Variants in NCKAP5 observed in about 807,000 individuals in gnomAD.
The protein encoded by NCKAP5 is NCK associated protein 5.
In NCKAP5, 92 loss-of-function variants were observed where a neutral mutation model predicts 167.0. The observed-to-expected ratio is 0.55, with a 90% confidence interval of 0.47 to 0.66. The LOEUF (loss-of-function observed/expected upper bound fraction) is 0.66, where lower values mean the gene tolerates loss of function less well. Among genes scored for constraint, NCKAP5 ranks in the 30% least tolerant of loss-of-function variants. The pLI, the probability that NCKAP5 is intolerant of heterozygous loss-of-function variation, is 0.00. For synonymous variants in NCKAP5, 891 were observed against 877.4 expected, an observed-to-expected ratio of 1.02 and a Z score of -0.27; for missense variants, 2,378 against 2,315.0, an observed-to-expected ratio of 1.03 and a Z score of -0.56.
chr2:132,980,038 G>A (rs901840887), intron 7 of NCKAP5, among the ~76,000 whole-genome samples: 1 of 142,142 alleles, frequency 7.0e-6, no homozygotes, highest in Non-Finnish European at 1.5e-5. Flanking sequence ...CGCCCAGACT[G>A]TAGTACAGTG....
At chr2:132,795,830 AAAAAAAAAC>A (rs1203581563) in intron 12 of NCKAP5, among the ~76,000 whole-genome samples, 2 of 150,064 alleles carry the variant, frequency 1.3e-5, no homozygotes, top group African/African-American at 2.4e-5. Flanking sequence ...GAAAAAAAAA[AAAAAAAAAC>A]AAAAAAAACA....
chr2:133,486,391 A>G (rs1257579694), intron 3 of NCKAP5, among the ~76,000 whole-genome samples: 1 of 152,238 alleles, frequency 6.6e-6, no homozygotes, highest in Non-Finnish European at 1.5e-5. Context: ...CAGTGGCTGC[A>G]TCGTCATTTT....
At chr2:133,233,925 T>C (rs983273556) in intron 4 of NCKAP5, among the ~76,000 whole-genome samples, 19 of 152,174 alleles carry the variant, frequency 1.2e-4, no homozygotes, top group African/African-American at 4.3e-4. Context: ...TTAATGGAAA[T>C]TTTACTTTGC....
intron 7 of NCKAP5, among the ~76,000 whole-genome samples, chr2:132,988,853 A>G (rs1432378337): frequency 6.6e-6 from 1 of 152,196 alleles, no homozygotes; most frequent in Non-Finnish European, 1.5e-5. Context: ...TACTTTAGCT[A>G]TTTACATTAA....
intron 8 of NCKAP5, among the ~76,000 whole-genome samples, chr2:132,895,221 C>G (rs924252405): frequency 1.3e-5 from 2 of 151,884 alleles, no homozygotes; most frequent in African/African-American, 2.4e-5. Context: ...GTCCCAGCTA[C>G]TCTGGAGGCT....
intron 19 of NCKAP5, among the ~76,000 whole-genome samples, chr2:132,707,772 A>AGCTTT (rs1270270773): frequency 2.6e-5 from 4 of 152,214 alleles, no homozygotes; most frequent in African/African-American, 9.6e-5. Context: ...GATCTCTCAT[A>AGCTTT]GCTTTGCGAG....
chr2:133,185,382 A>G (rs930097623), intron 5 of NCKAP5, among the ~76,000 whole-genome samples: 1 of 152,158 alleles, frequency 6.6e-6, no homozygotes, highest in Non-Finnish European at 1.5e-5. Flanking sequence ...TATAGTTTGA[A>G]GTTGGGTAAT....
the NCKAP5 span, among the ~76,000 whole-genome samples, chr2:133,638,585 G>A: frequency 6.6e-6 from 1 of 152,080 alleles, no homozygotes; most frequent in Non-Finnish European, 1.5e-5. Context: ...CTTGGCTGGG[G>A]GCAGTGGCTC....
chr2:133,630,862 C>T, the NCKAP5 span, among the ~76,000 whole-genome samples: 1 of 152,104 alleles, frequency 6.6e-6, no homozygotes, highest in African/African-American at 2.4e-5. Context: ...CCATCTCCTC[C>T]AGGAAAGCAC....
chr2:132,920,101 T>C (rs1015819078), intron 8 of NCKAP5, among the ~76,000 whole-genome samples: 1 of 152,004 alleles, frequency 6.6e-6, no homozygotes, highest in Non-Finnish European at 1.5e-5. Flanking sequence ...GGACCCACCG[T>C]ATTCCCCTCT....
chr2:133,240,033 C>G (rs547085667), intron 4 of NCKAP5, among the ~76,000 whole-genome samples: 3 of 152,062 alleles, frequency 2.0e-5, no homozygotes, highest in African/African-American at 7.2e-5. Context: ...AACAGCTAGT[C>G]TTACATTAGC....
intron 2 of NCKAP5, among the ~76,000 whole-genome samples, chr2:133,520,711 G>C (rs575764581): frequency 8.5e-5 from 13 of 152,294 alleles, no homozygotes; most frequent in Admixed American, 8.5e-4. Context: ...AGTCCAATCT[G>C]CCTATGTGGA....
rs79061600 is a variant in NCKAP5, at chr2:132,741,627, C to G, written c.5129-9576G>C. ...CTTAACCACTTCTGTATCCATACAT[C>G]AAGTCTTGTCCTCCTTGGTTTGACA... On this transcript the variant is annotated intron_variant, in intron 16 of 19. Transcript: ENST00000409261. Among the ~76,000 whole-genome samples, 38 of 152,174 alleles carry G rather than the reference C, an allele frequency of 2.5e-4. No individual in the cohort carries two copies. In the East Asian group the frequency reaches 6.6e-3, roughly 26 times the overall value.
chr2:132,944,937 G>C (rs189677066), intron 8 of NCKAP5, among the ~76,000 whole-genome samples: 1 of 152,264 alleles, frequency 6.6e-6, no homozygotes, highest in Non-Finnish European at 1.5e-5. Context: ...ATGGGTTCAG[G>C]AGTTAGAGAG....
At position 133,293,931 on chromosome 2, in the gene NCKAP5, T is replaced by TTGAG. The variant is rs1377251750; in HGVS notation, c.143+9102_143+9105dup. 4.6e-5 allele frequency among the ~76,000 whole-genome samples: 7 copies of TTGAG among 152,200 alleles called. No individual in the cohort carries two copies. In the East Asian group the frequency reaches 1.4e-3, roughly 29 times the overall value. ...ATGATTTAGAAATTCATCCCAAGGG[T>TTGAG]TGAGAACAGGGAAAGATAATGTGAG... is the stretch of plus-strand genomic sequence containing the variant. On this transcript the variant is annotated intron_variant, in intron 4 of 19. Transcript: ENST00000409261.
chr2:133,605,925 T>A, the NCKAP5 span, among the ~76,000 whole-genome samples: 3 of 152,138 alleles, frequency 2.0e-5, no homozygotes, highest in African/African-American at 7.2e-5. Context: ...CAAAGAACCA[T>A]AATAACATGT....
intron 3 of NCKAP5, among the ~76,000 whole-genome samples, chr2:133,425,403 A>G (rs185450455): frequency 2.9e-4 from 44 of 152,352 alleles, no homozygotes; most frequent in Admixed American, 2.0e-3. Context: ...ACATCCTTGG[A>G]AAGTAATCAG....
intron 6 of NCKAP5, among the ~76,000 whole-genome samples, chr2:133,054,795 G>A (rs914022214): frequency 2.0e-5 from 3 of 152,296 alleles, no homozygotes; most frequent in South Asian, 4.1e-4. Context: ...GCAATCAGAT[G>A]TCCAGGGGGC....
At chr2:132,984,912 T>G (rs578019430) in intron 7 of NCKAP5, among the ~76,000 whole-genome samples, 1 of 149,406 alleles carries the variant, frequency 6.7e-6, no homozygotes, top group Non-Finnish European at 1.5e-5. Flanking sequence ...GTTAATGATC[T>G]AGAATGCCCC....
Sources: allele counts gnomAD v4.1 joint callset (sites outside exome capture counted in the v4.1 genomes callset), GRCh38; gene constraint gnomAD v4.1.1; transcripts MANE v1.5; gene names NCBI Gene and HGNC (gene_info 2026-07-23, HGNC 2026-07-21).